Variants in MAGI2 observed in about 807,000 individuals in gnomAD.
MAGI2 encodes membrane associated guanylate kinase, WW and PDZ domain containing 2, also known as membrane-associated guanylate kinase, WW and PDZ domain-containing protein 2.
In MAGI2, 35 loss-of-function variants were observed where a neutral mutation model predicts 133.3. That is an observed-to-expected ratio of 0.26 (90% CI 0.20 to 0.35). The LOEUF is 0.35. Among genes scored for constraint, MAGI2 ranks in the 10% least tolerant of loss-of-function variants. The pLI, the probability that MAGI2 is intolerant of heterozygous loss-of-function variation, is 1.00. For missense variants in MAGI2, 1,636 were observed against 1,863.4 expected, an observed-to-expected ratio of 0.88 and a Z score of 2.25; for synonymous variants, 729 against 710.6, an observed-to-expected ratio of 1.03 and a Z score of -0.41.
intron 20 of MAGI2, among the ~76,000 whole-genome samples, chr7:78,109,303 C>CA (rs71085511): frequency 0.099 from 1,980 of 19,942 alleles, 462 homozygotes; most frequent in Middle Eastern, 0.25. Flanking sequence ...GACTCCGTCT[C>CA]AAAAAAAAAA....
chr7:78,200,411 C>G (rs1259132781), intron 11 of MAGI2, among the ~76,000 whole-genome samples: 3 of 152,208 alleles, frequency 2.0e-5, no homozygotes, highest in East Asian at 3.9e-4. Flanking sequence ...GCTTCCTATA[C>G]TGGCGCAGAC....
At chr7:78,723,609 G>A (rs923691986) in intron 2 of MAGI2, among the ~76,000 whole-genome samples, 15 of 152,120 alleles carry the variant, frequency 9.9e-5, no homozygotes, top group Admixed American at 2.6e-4. Context: ...ACTAAGTTAG[G>A]CACAAGAGCA....
chr7:78,114,499 G>A (rs1819665022), intron 20 of MAGI2, among the ~76,000 whole-genome samples: 1 of 152,196 alleles, frequency 6.6e-6, no homozygotes, highest in Non-Finnish European at 1.5e-5. Flanking sequence ...TTCAATCCCA[G>A]TGGCAGGATA....
intron 1 of MAGI2, among the ~76,000 whole-genome samples, chr7:79,197,891 T>A (rs1478173742): frequency 6.6e-6 from 1 of 151,880 alleles, no homozygotes; most frequent in East Asian, 1.9e-4. Flanking sequence ...CCCCATCTCT[T>A]AATATTATTG....
At chr7:78,255,013 T>C (rs910730636) in intron 10 of MAGI2, 1 of 152,268 alleles carries the variant, frequency 6.6e-6, no homozygotes, top group Non-Finnish European at 1.5e-5. Flanking sequence ...GTCCACAAAT[T>C]GGCAAATGGG....
At chr7:78,764,593 A>G (rs1824826804) in intron 2 of MAGI2, among the ~76,000 whole-genome samples, 1 of 152,106 alleles carries the variant, frequency 6.6e-6, no homozygotes, top group African/African-American at 2.4e-5. Context: ...CTCTCTGACA[A>G]TTCAGATGCC....
chr7:79,410,737 T>TA (rs923380094), intron 1 of MAGI2: 3 of 152,158 alleles, frequency 2.0e-5, no homozygotes, highest in African/African-American at 4.8e-5. Context: ...TTTTATTCTG[T>TA]AAAAAAATTA....
At chr7:79,234,485 T>TG (rs1243125140) in intron 1 of MAGI2, among the ~76,000 whole-genome samples, 7 of 151,850 alleles carry the variant, frequency 4.6e-5, no homozygotes, top group African/African-American at 1.2e-4. Context: ...TTGGAGGCTT[T>TG]CTCATTTCTT....
intron 3 of MAGI2, among the ~76,000 whole-genome samples, chr7:78,525,547 C>A (rs1255201203): frequency 6.6e-6 from 1 of 152,084 alleles, no homozygotes; most frequent in Non-Finnish European, 1.5e-5. Flanking sequence ...AAAAATTGTT[C>A]CCTAAGGATG....
chr7:78,289,737 G>A (rs2361377), intron 9 of MAGI2, among the ~76,000 whole-genome samples: 28,017 of 152,142 alleles, frequency 0.18, 3,254 homozygotes, highest in Middle Eastern at 0.29. Context: ...AAGGAAGCCC[G>A]TCAGACTAAC....
intron 1 of MAGI2, among the ~76,000 whole-genome samples, chr7:79,033,257 T>C (rs1810782395): frequency 6.6e-6 from 1 of 152,208 alleles, no homozygotes; most frequent in Non-Finnish European, 1.5e-5. Context: ...AAAATAAAGC[T>C]TAACTTGATC....
At chr7:78,476,891 A>C (rs1791811450) in intron 6 of MAGI2, among the ~76,000 whole-genome samples, 1 of 151,934 alleles carries the variant, frequency 6.6e-6, no homozygotes, top group Non-Finnish European at 1.5e-5. Flanking sequence ...GTAAAAAAAA[A>C]AAAATGCTTT....
intron 1 of MAGI2, among the ~76,000 whole-genome samples, chr7:79,333,763 A>G (rs1840245253): frequency 6.6e-6 from 1 of 152,182 alleles, no homozygotes; most frequent in Non-Finnish European, 1.5e-5. Flanking sequence ...ATACAAAAAT[A>G]AAAAAGACAA....
chr7:78,078,936 G>A lies in MAGI2; in HGVS notation c.3706+11C>T, dbSNP rs201337420. 3.5e-5 allele frequency: 56 copies of A among 1,612,510 alleles called. No individual in the cohort carries two copies. Among genetic ancestry groups the A allele is most frequent in the South Asian group, 2.2e-4 (20 of 90,430 alleles). On this transcript the variant is annotated intron_variant, in intron 21 of 21. Coordinates refer to ENST00000354212, the MANE Select transcript of MAGI2 (RefSeq NM_012301.4). ...GAAGAGCAAAAGGGTGAATTAAAACGTGAAACGTACCATATTCTGGGACCT... is the reference window on the plus strand; with the variant it reads ...GAAGAGCAAAAGGGTGAATTAAAACATGAAACGTACCATATTCTGGGACCT...
chr7:78,651,293 T>C (rs191327602), intron 2 of MAGI2, among the ~76,000 whole-genome samples: 2 of 143,298 alleles, frequency 1.4e-5, no homozygotes, highest in Non-Finnish European at 3.1e-5. Context: ...TACACACACA[T>C]GCCCTATAAA....
intron 1 of MAGI2, among the ~76,000 whole-genome samples, chr7:79,087,413 A>G (rs1816613526): frequency 6.6e-6 from 1 of 152,020 alleles, no homozygotes; most frequent in Admixed American, 6.6e-5. Flanking sequence ...TTCACCATTA[A>G]CATAGATTCA....
Position 78,293,189 on chromosome 7 carries a change from A to T in MAGI2, c.1409-36608T>A, listed in dbSNP as rs2151047518. 2.0e-5 allele frequency among the ~76,000 whole-genome samples: 3 copies of T among 152,358 alleles called. No homozygotes were observed. The South Asian group carries it at 6.2e-4, about 32-fold the overall frequency. Reference sequence around the variant, plus strand: ...AAACTTTTTATAGTCTACCCATCTGACAAAGGCCTAATATCCAGAATCTAC... The same window carrying T: ...AAACTTTTTATAGTCTACCCATCTGTCAAAGGCCTAATATCCAGAATCTAC... On this transcript the variant is annotated intron_variant, in intron 9 of 21. Coordinates refer to ENST00000354212, the MANE Select transcript of MAGI2 (RefSeq NM_012301.4).
intron 12 of MAGI2, among the ~76,000 whole-genome samples, chr7:78,189,015 G>A (rs1054071579): frequency 6.6e-6 from 1 of 152,082 alleles, no homozygotes; most frequent in African/African-American, 2.4e-5. Context: ...TGAATAATAC[G>A]ATTACAGTAC....
At position 78,054,589 on chromosome 7, in the gene MAGI2, C is replaced by CTTTTTTTT. The variant is rs3972364; in HGVS notation, c.3706+24350_3706+24357dup. Among the ~76,000 whole-genome samples the CTTTTTTTT allele has an allele frequency of 6.6e-3, 942 of 141,786 alleles. 12 individuals carry two copies. The highest frequency in any genetic ancestry group is 0.024 in the African/African-American group (893 of 37,476). The allele number at this position is 141,786 out of a possible 152,430, so 93.0% of individuals were successfully genotyped here. A position where few individuals can be genotyped will look rare whatever the true frequency, so the allele number is the denominator to read the frequency against. ...TTAAGCCCCTTCATTCATAGGCATA[C>CTTTTTTTT]TTTTTTTTTTTTTTCCTGAAAGACC... On this transcript the variant is annotated intron_variant, in intron 21 of 21. Coordinates refer to ENST00000354212, the MANE Select transcript of MAGI2 (RefSeq NM_012301.4).
Sources: gnomAD v4.1 joint callset for allele counts (sites outside exome capture counted in the v4.1 genomes callset) on GRCh38, gnomAD v4.1.1 for gene constraint, MANE v1.5 for transcripts, NCBI Gene and HGNC (gene_info 2026-07-23, HGNC 2026-07-21) for gene names.